Variants in RNF11 observed in about 807,000 individuals in gnomAD.
RNF11 encodes the protein ring finger protein 11.
RNF11 carries 4 observed loss-of-function variants against 15.8 expected under a neutral mutation model. The observed-to-expected ratio is 0.25, with a 90% CI of 0.12 to 0.58. The LOEUF is 0.58. RNF11 is among the 20% of genes least tolerant of loss of function. The pLI, the probability that RNF11 is intolerant of heterozygous loss-of-function variation, is 0.91. For missense variants in RNF11, 139 were observed against 194.4 expected (o/e 0.71, Z 1.70); for synonymous variants, 68 against 72.3 (o/e 0.94, Z 0.30).
At chr1:51,264,867 G>A (rs1646947878) in intron 1 of RNF11, 1 of 152,102 alleles carries the variant, frequency 6.6e-6, no homozygotes, top group Admixed American at 6.6e-5. Flanking sequence ...CACCTGTTTT[G>A]TGTCTTTCTT....
chr1:51,266,954 AC>A (rs1325327654), intron 1 of RNF11, among the ~76,000 whole-genome samples: 1 of 152,204 alleles, frequency 6.6e-6, no homozygotes, highest in East Asian at 1.9e-4. Flanking sequence ...CCCTTATCAG[AC>A]TACCCACATA....
At chr1:51,236,998 CCTTAGGGCTGGAT>C (rs1646806724) in intron 1 of RNF11, 119 bp downstream of exon 1, 1 of 1,327,170 alleles carries the variant, frequency 7.5e-7, no homozygotes, top group East Asian at 2.6e-5. Flanking sequence ...GGCATTGACC[CCTTAGGGCTGGAT>C]CTGAGGGCAT....
At chr1:51,256,551 A>AT (rs767419915) in intron 1 of RNF11, among the ~76,000 whole-genome samples, 1 of 152,156 alleles carries the variant, frequency 6.6e-6, no homozygotes, top group African/African-American at 2.4e-5. Context: ...GGTTGGATGT[A>AT]TTTTTCAACT....
At chr1:51,240,840 C>G (rs531128536) in intron 1 of RNF11, among the ~76,000 whole-genome samples, 1 of 151,760 alleles carries the variant, frequency 6.6e-6, no homozygotes, top group East Asian at 1.9e-4. Flanking sequence ...TTTGTTTTCT[C>G]TTTTTTGAGA....
At chr1:51,240,504 C>G (rs1488106269) in intron 1 of RNF11, among the ~76,000 whole-genome samples, 1 of 152,092 alleles carries the variant, frequency 6.6e-6, no homozygotes, top group Non-Finnish European at 1.5e-5. Flanking sequence ...GTTGCGTTGT[C>G]TATTACCTGT....
At chr1:51,238,822 C>T (rs1284591445) in intron 1 of RNF11, among the ~76,000 whole-genome samples, 11 of 152,056 alleles carry the variant, frequency 7.2e-5, no homozygotes, top group Non-Finnish European at 7.4e-5. Flanking sequence ...CTCCACCTCC[C>T]GGGTTCTAGC....
Position 51,236,823 on chromosome 1 carries a change from C to A in RNF11, c.67C>A (p.Arg23=). The stretch of plus-strand genomic sequence containing the variant: ...CCTGCTTCACGAGTCTCAGTCCGAC[C>A]GGGCTAGCTTTGGCGAGGGGACGGA... The part of the protein sequence containing the change: ...ISLLHESQSD[R]ASFGEGTEPD... The change falls in exon 1 of 3, where the codon CGG becomes AGG. Residue 23 remains arginine (R), a synonymous_variant. Transcript: ENST00000242719. 6.2e-7 allele frequency: 1 copy of A among 1,613,214 alleles called. No individual in the cohort carries two copies. The highest frequency in any genetic ancestry group is 8.5e-7 in the Non-Finnish European group (1 of 1,179,568).
chr1:51,248,497 C>T (rs901858426), intron 1 of RNF11, among the ~76,000 whole-genome samples: 7 of 152,112 alleles, frequency 4.6e-5, no homozygotes, highest in East Asian at 1.9e-4. Flanking sequence ...CCACGGCGCC[C>T]GGCCTCTAGT....
intron 1 of RNF11, among the ~76,000 whole-genome samples, chr1:51,267,194 G>T (rs1441630813): frequency 6.6e-6 from 1 of 152,168 alleles, no homozygotes; most frequent in Non-Finnish European, 1.5e-5. Context: ...AGATGTGTTT[G>T]TATACCTTTT....
chr1:51,254,029 C>G (rs1322252382), intron 1 of RNF11, among the ~76,000 whole-genome samples: 1 of 151,606 alleles, frequency 6.6e-6, no homozygotes, highest in Non-Finnish European at 1.5e-5. Flanking sequence ...AAGCTCTACA[C>G]GATCAATCGG....
intron 1 of RNF11, among the ~76,000 whole-genome samples, chr1:51,241,058 C>G (rs1646826949): frequency 6.6e-6 from 1 of 152,190 alleles, no homozygotes; most frequent in African/African-American, 2.4e-5. Context: ...TTCAGGTGAT[C>G]TGCCCACCTT....
At chr1:51,260,563 C>T (rs950198745) in intron 1 of RNF11, among the ~76,000 whole-genome samples, 5 of 152,122 alleles carry the variant, frequency 3.3e-5, no homozygotes, top group African/African-American at 1.2e-4. Context: ...TTATTAGATA[C>T]GTTATTATAC....
At chr1:51,261,457 A>T (rs757836625) in intron 1 of RNF11, among the ~76,000 whole-genome samples, 2 of 152,192 alleles carry the variant, frequency 1.3e-5, no homozygotes, top group Non-Finnish European at 1.5e-5. Flanking sequence ...CAGAGTTCTG[A>T]TAGGTATGTG....
chr1:51,252,777 T>C (rs2148069145), intron 1 of RNF11, among the ~76,000 whole-genome samples: 1 of 151,782 alleles, frequency 6.6e-6, no homozygotes, highest in Non-Finnish European at 1.5e-5. Flanking sequence ...CTTTCGGGTA[T>C]TGTCTTTTGT....
intron 1 of RNF11, among the ~76,000 whole-genome samples, chr1:51,268,238 A>G (rs1020493878): frequency 1.3e-5 from 2 of 152,222 alleles, no homozygotes; most frequent in African/African-American, 2.4e-5. Context: ...CATGTGTGGT[A>G]AGAAGGGTGA....
intron 1 of RNF11, among the ~76,000 whole-genome samples, chr1:51,260,329 A>G (rs187005193): frequency 2.3e-4 from 35 of 152,296 alleles, no homozygotes; most frequent in African/African-American, 7.5e-4. Context: ...GATTTTCTAA[A>G]TAGGCTCATG....
In RNF11 at chr1:51,251,012, G is replaced by C. The variant is rs113611007; in HGVS notation, c.123+14133G>C. The C allele has an allele frequency of 3.2e-3, 4,573 of 1,445,884 alleles. 116 individuals are homozygous for C. In the African/African-American group the frequency reaches 0.058, roughly 18 times the overall value. The allele number at this position is 1,445,884 out of a possible 1,614,324, so 89.6% of individuals were successfully genotyped here. Reference sequence around the variant, plus strand: ...CGGGGACAATGGAGAGCTTGGCCAGGATGATGGCCCCATGGATGGCGGTGG... The same window carrying C: ...CGGGGACAATGGAGAGCTTGGCCAGCATGATGGCCCCATGGATGGCGGTGG... On this transcript the variant is annotated intron_variant, in intron 1 of 2. Transcript: ENST00000242719.
intron 1 of RNF11, chr1:51,251,448 C>A (rs1020166035): frequency 2.7e-6 from 2 of 754,338 alleles, no homozygotes; most frequent in Non-Finnish European, 2.2e-6. Context: ...GGGCCCCCCC[C>A]CGCTGCACTG....
chr1:51,247,709 T>C (rs1170396332), intron 1 of RNF11, among the ~76,000 whole-genome samples: 1 of 152,238 alleles, frequency 6.6e-6, no homozygotes, highest in Non-Finnish European at 1.5e-5. Context: ...ATGAGTTCCT[T>C]ATTTTGACAA....
Sources: gnomAD v4.1 joint callset for allele counts (sites outside exome capture counted in the v4.1 genomes callset) on GRCh38, gnomAD v4.1.1 for gene constraint, MANE v1.5 for transcripts, NCBI Gene and HGNC (gene_info 2026-07-23, HGNC 2026-07-21) for gene names.